Variants in LOC122539214 observed in about 807,000 individuals in gnomAD.
At chr19:52,683,150 G>C in the LOC122539214 span, among the ~76,000 whole-genome samples, 1 of 152,082 alleles carries the variant, frequency 6.6e-6, no homozygotes, top group Non-Finnish European at 1.5e-5. Flanking sequence ...CATTACAGGG[G>C]TGAGCCACCA....
the LOC122539214 span, among the ~76,000 whole-genome samples, chr19:52,676,510 G>GC: frequency 1.3e-5 from 2 of 150,430 alleles, no homozygotes; most frequent in South Asian, 2.1e-4. Flanking sequence ...GTGGGGGGCA[G>GC]CCCCCGCCCG....
the LOC122539214 span, among the ~76,000 whole-genome samples, chr19:52,686,408 A>C: frequency 2.6e-5 from 4 of 151,432 alleles, no homozygotes; most frequent in Non-Finnish European, 5.9e-5. Flanking sequence ...GTATTAAAAA[A>C]GATACTCTTA....
chr19:52,666,525 G>A, the LOC122539214 span, among the ~76,000 whole-genome samples: 5 of 151,110 alleles, frequency 3.3e-5, no homozygotes, highest in South Asian at 8.4e-4. Context: ...AATCTGTAGT[G>A]GCAACTGCTC....
the LOC122539214 span, among the ~76,000 whole-genome samples, chr19:52,662,466 G>T: frequency 6.6e-6 from 1 of 152,042 alleles, no homozygotes; most frequent in Admixed American, 6.5e-5. Context: ...GTTGTGAAAT[G>T]ACACGATATG....
At chr19:52,682,601 G>A in the LOC122539214 span, among the ~76,000 whole-genome samples, 1 of 151,752 alleles carries the variant, frequency 6.6e-6, no homozygotes, top group East Asian at 1.9e-4. Flanking sequence ...CCAGGAGTCA[G>A]AGGTTGCACT....
chr19:52,653,138 G>A, the LOC122539214 span: 1 of 1,458,346 alleles, frequency 6.9e-7, no homozygotes. Context: ...CCACACTCAT[G>A]ACAGTTGTAA....
chr19:52,678,297 A>C, the LOC122539214 span, among the ~76,000 whole-genome samples: 1 of 151,352 alleles, frequency 6.6e-6, no homozygotes, highest in Non-Finnish European at 1.5e-5. Flanking sequence ...TAAAAATATA[A>C]AAATTAGCCA....
At chr19:52,676,180 G>A in the LOC122539214 span, among the ~76,000 whole-genome samples, 10 of 152,166 alleles carry the variant, frequency 6.6e-5, no homozygotes, top group Admixed American at 2.0e-4. Flanking sequence ...ACGGGGTTTC[G>A]CTGTGTTGGT....
chr19:52,670,466 T>C, the LOC122539214 span, among the ~76,000 whole-genome samples: 1 of 152,198 alleles, frequency 6.6e-6, no homozygotes, highest in African/African-American at 2.4e-5. Flanking sequence ...CAACCTTCTA[T>C]ATAAGTAAAT....
chr19:52,685,580 C>T, the LOC122539214 span, among the ~76,000 whole-genome samples: 3 of 151,942 alleles, frequency 2.0e-5, no homozygotes, highest in Non-Finnish European at 2.9e-5. Context: ...AGAACTAAGA[C>T]GTAAGCGAAC....
the LOC122539214 span, chr19:52,655,302 G>A: frequency 2.9e-6 from 1 of 339,114 alleles, no homozygotes; most frequent in Non-Finnish European, 5.3e-6. Flanking sequence ...GCTACCAGGG[G>A]CATCTCTGCT....
At chr19:52,689,051 A>G in the LOC122539214 span, among the ~76,000 whole-genome samples, 1 of 151,700 alleles carries the variant, frequency 6.6e-6, no homozygotes, top group Admixed American at 6.6e-5. Context: ...GTATTTAGTC[A>G]GTTCTTGTTT....
At chr19:52,687,559 TTTTA>T in the LOC122539214 span, among the ~76,000 whole-genome samples, 116 of 42,062 alleles carry the variant, frequency 2.8e-3, 18 homozygotes, top group Non-Finnish European at 3.3e-3. Flanking sequence ...TATGTGTAAA[TTTTA>T]TATATATATA....
chr19:52,687,616 GTATATATATATATAATGTATA>G, the LOC122539214 span, among the ~76,000 whole-genome samples: 1 of 15,822 alleles, frequency 6.3e-5, no homozygotes, highest in Non-Finnish European at 1.1e-4. Flanking sequence ...TATATAATGT[GTATATATATATATAATGTATA>G]TATATATATA....
At chr19:52,686,224 G>T in the LOC122539214 span, among the ~76,000 whole-genome samples, 2 of 151,944 alleles carry the variant, frequency 1.3e-5, no homozygotes, top group Admixed American at 1.3e-4. Flanking sequence ...TGCAGACCTC[G>T]ATCTGAACTG....
the LOC122539214 span, chr19:52,653,987 G>A: frequency 1.2e-5 from 17 of 1,429,556 alleles, no homozygotes; most frequent in African/African-American, 2.3e-4. Flanking sequence ...TTAGAAATAT[G>A]GGTTTTGAGC....
At chr19:52,679,098 G>A in the LOC122539214 span, among the ~76,000 whole-genome samples, 1 of 152,152 alleles carries the variant, frequency 6.6e-6, no homozygotes, top group Admixed American at 6.5e-5. Context: ...TTGAACAAAG[G>A]TTTTCTTGTT....
the LOC122539214 span, among the ~76,000 whole-genome samples, chr19:52,675,720 A>C: frequency 6.6e-6 from 1 of 152,216 alleles, no homozygotes; most frequent in African/African-American, 2.4e-5. Context: ...GCAAGGGTGG[A>C]GGGCAGAAGT....
chr19:52,652,975 C>G, the LOC122539214 span: 2 of 1,301,636 alleles, frequency 1.5e-6, no homozygotes, highest in Non-Finnish European at 2.2e-6. Flanking sequence ...CTCATTACAC[C>G]TGTAAGGTTT....
Sources: gnomAD v4.1 joint callset for allele counts (sites outside exome capture counted in the v4.1 genomes callset) on GRCh38, gnomAD v4.1.1 for gene constraint, MANE v1.5 for transcripts.